The following GSK3B variants were observed in gnomAD, a reference collection of about 807,000 sequenced individuals.
The protein encoded by GSK3B is glycogen synthase kinase 3 beta.
Under a neutral mutation model 56.4 loss-of-function variants are expected in GSK3B, and 15 were observed. The observed-to-expected ratio is 0.27, with a 90% CI of 0.18 to 0.41. The LOEUF is 0.41. Ranked by LOEUF, GSK3B falls within the 10% of genes least tolerant of loss-of-function variation. The pLI, the probability that GSK3B is intolerant of heterozygous loss-of-function variation, is 1.00. For synonymous variants in GSK3B, 181 were observed against 188.9 expected (o/e 0.96, Z 0.34); for missense variants, 300 against 513.4 (o/e 0.58, Z 4.02).
chr3:120,074,765 G>A (rs1389752854), intron 1 of GSK3B, among the ~76,000 whole-genome samples: 2 of 152,066 alleles, frequency 1.3e-5, no homozygotes, highest in Non-Finnish European at 2.9e-5. Flanking sequence ...TTGAACCAGT[G>A]GTAATTAAAA....
chr3:119,956,898 G>A (rs2057219696), intron 2 of GSK3B, among the ~76,000 whole-genome samples: 1 of 152,276 alleles, frequency 6.6e-6, no homozygotes, highest in East Asian at 1.9e-4. Context: ...AATTCTTCAG[G>A]TTTATTCAAC....
At chr3:119,965,197 C>A (rs1324762926) in intron 2 of GSK3B, among the ~76,000 whole-genome samples, 1 of 150,584 alleles carries the variant, frequency 6.6e-6, no homozygotes, top group Non-Finnish European at 1.5e-5. Flanking sequence ...GGCTTACAGG[C>A]ACCTGCCACC....
intron 3 of GSK3B, among the ~76,000 whole-genome samples, chr3:119,936,696 A>T (rs762543482): frequency 1.3e-5 from 2 of 151,890 alleles, no homozygotes; most frequent in Non-Finnish European, 2.9e-5. Flanking sequence ...AGGAGCTATA[A>T]CAATTATATA....
intron 7 of GSK3B, among the ~76,000 whole-genome samples, chr3:119,886,401 G>C (rs1335006691): frequency 6.6e-6 from 1 of 152,134 alleles, no homozygotes; most frequent in South Asian, 2.1e-4. Flanking sequence ...AGATGCTGGT[G>C]AGGCTGCAGA....
intron 9 of GSK3B, among the ~76,000 whole-genome samples, chr3:119,849,191 A>C (rs1367811032): frequency 6.6e-6 from 1 of 152,216 alleles, no homozygotes; most frequent in Non-Finnish European, 1.5e-5. Context: ...TAAAATAGAA[A>C]GGCTTCTTTA....
At chr3:119,844,738 A>G (rs566617718) in intron 9 of GSK3B, among the ~76,000 whole-genome samples, 1 of 152,262 alleles carries the variant, frequency 6.6e-6, no homozygotes, top group Non-Finnish European at 1.5e-5. Flanking sequence ...AGGTACAAAG[A>G]GGAGCTGGTA....
intron 2 of GSK3B, among the ~76,000 whole-genome samples, chr3:119,967,834 TTCTCTCTCTCTCTC>T (rs202156812): frequency 3.6e-4 from 43 of 119,010 alleles, no homozygotes; most frequent in South Asian, 6.5e-4. Flanking sequence ...CTCTTTCTCT[TTCTCTCTCTCTCTC>T]TCTCTCTCTC....
At chr3:119,902,588 G>T (rs1231532268) in intron 7 of GSK3B, among the ~76,000 whole-genome samples, 1 of 152,092 alleles carries the variant, frequency 6.6e-6, no homozygotes, top group Non-Finnish European at 1.5e-5. Flanking sequence ...GTAGAGACAG[G>T]GTTTCACCAT....
intron 3 of GSK3B, among the ~76,000 whole-genome samples, chr3:119,944,189 C>A (rs2057076930): frequency 6.6e-6 from 1 of 152,096 alleles, no homozygotes; most frequent in African/African-American, 2.4e-5. Flanking sequence ...TCCCTAATTG[C>A]CTCCTCAAAC....
intron 7 of GSK3B, among the ~76,000 whole-genome samples, chr3:119,890,637 G>C (rs2056490930): frequency 1.3e-5 from 2 of 151,852 alleles, no homozygotes; most frequent in East Asian, 3.9e-4. Context: ...ATCTTGACCA[G>C]GGTAGTGGTT....
At chr3:119,899,025 T>C (rs554724647) in intron 7 of GSK3B, among the ~76,000 whole-genome samples, 20 of 152,276 alleles carry the variant, frequency 1.3e-4, no homozygotes, top group African/African-American at 4.3e-4. Context: ...AGTCTACTAA[T>C]GATCTTCTGA....
chr3:119,919,453 G>C (rs576052493), intron 4 of GSK3B, among the ~76,000 whole-genome samples: 1 of 148,066 alleles, frequency 6.8e-6, no homozygotes. Context: ...AAAAGGGATC[G>C]ATGTCCCCAA....
chr3:119,993,061 T>A (rs760682591), intron 2 of GSK3B, among the ~76,000 whole-genome samples: 2 of 149,140 alleles, frequency 1.3e-5, no homozygotes, highest in Non-Finnish European at 3.0e-5. Flanking sequence ...TGAACTGATA[T>A]GCAATGATTG....
chr3:119,865,450 ATATATATATATATATATTTTTT>A (rs1363595042), intron 8 of GSK3B, among the ~76,000 whole-genome samples: 3 of 17,608 alleles, frequency 1.7e-4, no homozygotes, highest in South Asian at 5.5e-3. Flanking sequence ...ATATATATAT[ATATATATATATATATATTTTTT>A]TTTTTTTTTT....
intron 2 of GSK3B, among the ~76,000 whole-genome samples, chr3:119,977,274 A>G (rs1369543501): frequency 6.6e-6 from 1 of 152,210 alleles, no homozygotes; most frequent in Non-Finnish European, 1.5e-5. Flanking sequence ...ACTTTGTATG[A>G]AAACCTGCCT....
intron 8 of GSK3B, among the ~76,000 whole-genome samples, chr3:119,864,399 T>C (rs542587327): frequency 2.2e-4 from 34 of 152,196 alleles, no homozygotes; most frequent in African/African-American, 8.2e-4. Context: ...AGCTAATAAA[T>C]ACAAAAACTA....
At chr3:119,906,390 T>G (rs1013871240) in intron 6 of GSK3B, among the ~76,000 whole-genome samples, 8 of 152,082 alleles carry the variant, frequency 5.3e-5, no homozygotes, top group Admixed American at 5.2e-4. Context: ...TAAAATGGAA[T>G]AGCAATGATG....
At chr3:120,075,903 ACT>A (rs1474477500) in intron 1 of GSK3B, among the ~76,000 whole-genome samples, 1 of 152,132 alleles carries the variant, frequency 6.6e-6, no homozygotes, top group Non-Finnish European at 1.5e-5. Context: ...GAACCACCAG[ACT>A]CTGAACAGCC....
At position 120,076,193 on chromosome 3, in the gene GSK3B, G is replaced by A. The variant is rs2058365769; in HGVS notation, c.88+17154C>T. ...GAAACTGAATCCTCATCTTACACCA[G>A]ACACAAAAACCAACTCAAAATGGAT... On this transcript the variant is annotated intron_variant, in intron 1 of 10. Transcript: ENST00000264235. Among the ~76,000 whole-genome samples, 5 of 152,184 alleles carry A rather than the reference G, an allele frequency of 3.3e-5. No individual in the cohort carries two copies. In the South Asian group the frequency reaches 1.0e-3, roughly 32 times the overall value.
Sources: allele counts gnomAD v4.1 joint callset (sites outside exome capture counted in the v4.1 genomes callset), GRCh38; gene constraint gnomAD v4.1.1; transcripts MANE v1.5; gene names NCBI Gene and HGNC (gene_info 2026-07-23, HGNC 2026-07-21).